SOBP: variants seen among roughly 807,000 people sequenced by gnomAD.
SOBP encodes the protein sine oculis binding protein homolog, also known as sine oculis-binding protein homolog.
SOBP carries 4 observed loss-of-function variants against 53.6 expected under a neutral mutation model. The observed-to-expected ratio is 0.07, with a 90% confidence interval of 0.04 to 0.17. The LOEUF is 0.17. Among genes scored for constraint, SOBP ranks in the 10% least tolerant of loss-of-function variants. The probability of loss-of-function intolerance (pLI) is 1.00; values close to 1 mark genes in which losing one functional copy is unlikely to be tolerated. For missense variants in SOBP, 1,088 were observed against 1,204.7 expected (o/e 0.90, Z 1.43); for synonymous variants, 584 against 522.6 (o/e 1.12, Z -1.60).
At chr6:107,657,011 C>A (rs1172948516) in intron 6 of SOBP, among the ~76,000 whole-genome samples, 1 of 152,244 alleles carries the variant, frequency 6.6e-6, no homozygotes, top group Admixed American at 6.5e-5. Flanking sequence ...TGGGGCATGG[C>A]AGAAGAGAGG....
chr6:107,639,868 T>A (rs1174242720), intron 6 of SOBP, among the ~76,000 whole-genome samples: 1 of 152,046 alleles, frequency 6.6e-6, no homozygotes, highest in Non-Finnish European at 1.5e-5. Flanking sequence ...GTACAAGGAG[T>A]AACCCTTTCA....
At chr6:107,591,426 G>A (rs147119644) in intron 5 of SOBP, among the ~76,000 whole-genome samples, 1 of 152,326 alleles carries the variant, frequency 6.6e-6, no homozygotes, top group East Asian at 1.9e-4. Flanking sequence ...GGAAGAGATT[G>A]TTTCTGTATG....
intron 1 of SOBP, among the ~76,000 whole-genome samples, chr6:107,493,912 C>T (rs561312186): frequency 6.6e-6 from 1 of 152,278 alleles, no homozygotes; most frequent in South Asian, 2.1e-4. Flanking sequence ...TTTTCGTTAT[C>T]ACTGGTTTAA....
chr6:107,528,578 A>T (rs1783731517), intron 3 of SOBP, among the ~76,000 whole-genome samples: 3 of 152,236 alleles, frequency 2.0e-5, no homozygotes, highest in Non-Finnish European at 4.4e-5. Flanking sequence ...AAAGGCTTGC[A>T]CCGTGGGCCT....
intron 4 of SOBP, among the ~76,000 whole-genome samples, chr6:107,558,607 T>G (rs1443723382): frequency 6.6e-6 from 1 of 151,892 alleles, no homozygotes; most frequent in Non-Finnish European, 1.5e-5. Context: ...GCAGGGCGAT[T>G]TATGTAACTC....
At chr6:107,572,557 G>GC (rs1785104750) in intron 4 of SOBP, among the ~76,000 whole-genome samples, 1 of 152,140 alleles carries the variant, frequency 6.6e-6, no homozygotes, top group Non-Finnish European at 1.5e-5. Context: ...ACCCACCTCA[G>GC]CTCCCTAAAG....
At chr6:107,547,962 T>C (rs1784349413) in intron 4 of SOBP, among the ~76,000 whole-genome samples, 1 of 152,214 alleles carries the variant, frequency 6.6e-6, no homozygotes, top group Admixed American at 6.5e-5. Flanking sequence ...TTTAGACTAC[T>C]GCAGGTGAAT....
intron 5 of SOBP, among the ~76,000 whole-genome samples, chr6:107,597,625 T>TA (rs780380522): frequency 3.3e-5 from 5 of 152,222 alleles, no homozygotes; most frequent in Non-Finnish European, 7.3e-5. Flanking sequence ...TATGAATGCA[T>TA]AAAAATAAAT....
At chr6:107,518,684 AG>A (rs1398215789) in intron 3 of SOBP, among the ~76,000 whole-genome samples, 1 of 151,990 alleles carries the variant, frequency 6.6e-6, no homozygotes, top group Non-Finnish European at 1.5e-5. Context: ...TAGGTGGGTA[AG>A]TGTAGGTCAT....
intron 2 of SOBP, 130 bp from the exon 3 acceptor site, chr6:107,506,112 C>T: frequency 1.3e-6 from 1 of 787,266 alleles, no homozygotes; most frequent in Non-Finnish European, 2.1e-6. Flanking sequence ...AGTTCTAGTA[C>T]ATTGTTTAAA....
At chr6:107,606,070 CTTTTTTTTTTT>C (rs11298151) in intron 5 of SOBP, among the ~76,000 whole-genome samples, 4 of 62,858 alleles carry the variant, frequency 6.4e-5, no homozygotes, top group South Asian at 9.1e-4. Flanking sequence ...AGATAGGCTC[CTTTTTTTTTTT>C]TTTTTTTTTT....
intron 4 of SOBP, among the ~76,000 whole-genome samples, chr6:107,539,686 G>C (rs1240299647): frequency 6.6e-6 from 1 of 152,176 alleles, no homozygotes; most frequent in Admixed American, 6.5e-5. Flanking sequence ...GTCTGTTTGG[G>C]CAGTGGGCAG....
rs144485086 is a variant in SOBP at position 107,611,672 on chromosome 6, C to T, written c.670-21842C>T. Among the ~76,000 whole-genome samples, 87 of 152,242 alleles carry T rather than the reference C, an allele frequency of 5.7e-4. 1 individual carries two copies. Among genetic ancestry groups the T allele is most frequent in the African/African-American group, 1.9e-3 (80 of 41,540 alleles). ...CATGTCAGCCACTGATGTCAGGGTA[C>T]GCAATGGTGGCGACATGGTTGCTGT... On this transcript the variant is annotated intron_variant, in intron 5 of 6. Coordinates refer to ENST00000317357, the MANE Select transcript of SOBP (RefSeq NM_018013.4).
At chr6:107,522,159 C>T (rs2114972559) in intron 3 of SOBP, among the ~76,000 whole-genome samples, 1 of 152,132 alleles carries the variant, frequency 6.6e-6, no homozygotes, top group East Asian at 1.9e-4. Context: ...GAGGGAGGGC[C>T]TCAAGGAAGT....
intron 5 of SOBP, among the ~76,000 whole-genome samples, chr6:107,619,131 T>G (rs1294261713): frequency 6.6e-6 from 1 of 152,164 alleles, no homozygotes; most frequent in Non-Finnish European, 1.5e-5. Context: ...AACTGGTAAT[T>G]GCATCCTGAA....
chr6:107,591,649 A>G (rs1785752529), intron 5 of SOBP, among the ~76,000 whole-genome samples: 1 of 152,192 alleles, frequency 6.6e-6, no homozygotes, highest in African/African-American at 2.4e-5. Context: ...CTAAGGGGTG[A>G]ACAGCAGGCA....
At chr6:107,533,165 CTTT>C (rs755278856) in intron 3 of SOBP, among the ~76,000 whole-genome samples, 8 of 109,440 alleles carry the variant, frequency 7.3e-5, no homozygotes, top group Admixed American at 1.1e-4. Context: ...GCAGATGAAG[CTTT>C]TTTTTTTTTT....
At chr6:107,607,750 T>A (rs1409030153) in intron 5 of SOBP, among the ~76,000 whole-genome samples, 1 of 152,180 alleles carries the variant, frequency 6.6e-6, no homozygotes, top group South Asian at 2.1e-4. Flanking sequence ...ATTTTGGGGG[T>A]ATAACATTGT....
In SOBP at chr6:107,533,622, G is replaced by T; in HGVS notation, c.573+12G>T. 1 of 1,613,850 alleles carries T rather than the reference G, an allele frequency of 6.2e-7. No homozygotes were observed. Among genetic ancestry groups the T allele is most frequent in the Non-Finnish European group, 8.5e-7 (1 of 1,179,874 alleles). ...TCAAGAGAAATAAGGTAAGAGCACC[G>T]GAGAGAGAGGCGGCCCCCCACAGGC... On this transcript the variant is annotated intron_variant, in intron 4 of 6. Transcript: ENST00000317357.
Sources: gnomAD v4.1 joint callset for allele counts (sites outside exome capture counted in the v4.1 genomes callset) on GRCh38, gnomAD v4.1.1 for gene constraint, MANE v1.5 for transcripts, NCBI Gene and HGNC (gene_info 2026-07-23, HGNC 2026-07-21) for gene names.